UCK2: variants seen among roughly 807,000 people sequenced by gnomAD.
UCK2 encodes cytidine monophosphokinase 2.
Under a neutral mutation model 30.8 loss-of-function variants are expected in UCK2, and 6 were observed. The ratio of observed to expected loss-of-function variants is 0.19; its 90% CI spans 0.11 to 0.38. The LOEUF (loss-of-function observed/expected upper bound fraction) is 0.38, where lower values mean the gene tolerates loss of function less well. UCK2 is among the 10% of genes least tolerant of loss of function. UCK2 has a pLI of 1.00. For missense variants in UCK2, 210 were observed against 339.8 expected, an observed-to-expected ratio of 0.62 and a Z score of 3.00; for synonymous variants, 125 against 133.6, an observed-to-expected ratio of 0.94 and a Z score of 0.45.
chr1:165,902,192 C>T (rs558665994), intron 4 of UCK2, among the ~76,000 whole-genome samples: 7 of 152,052 alleles, frequency 4.6e-5, no homozygotes, highest in South Asian at 2.1e-4. Context: ...GCTGAGATCG[C>T]GCCACTGCAC....
chr1:165,831,076 C>T (rs924323699), intron 1 of UCK2, among the ~76,000 whole-genome samples: 2 of 151,986 alleles, frequency 1.3e-5, no homozygotes, highest in Non-Finnish European at 2.9e-5. Context: ...CCACTACACT[C>T]CAGCCTGGGT....
intron 1 of UCK2, among the ~76,000 whole-genome samples, chr1:165,878,331 CTTTCT>C (rs1655392021): frequency 7.3e-6 from 1 of 137,746 alleles, no homozygotes; most frequent in Non-Finnish European, 1.6e-5. Context: ...TCATTTCTTT[CTTTCT>C]TTTTTTTTTT....
At chr1:165,879,730 T>A (rs552790797) in intron 1 of UCK2, among the ~76,000 whole-genome samples, 2 of 152,022 alleles carry the variant, frequency 1.3e-5, no homozygotes, top group Non-Finnish European at 2.9e-5. Flanking sequence ...ATGGTAGTGA[T>A]GAATGACGAA....
chr1:165,896,984 C>T (rs1185009606), intron 4 of UCK2, among the ~76,000 whole-genome samples: 1 of 152,150 alleles, frequency 6.6e-6, no homozygotes, highest in Non-Finnish European at 1.5e-5. Flanking sequence ...GCAGAGAGTT[C>T]GCTTCCACCA....
chr1:165,878,151 C>G (rs960733402), intron 1 of UCK2, among the ~76,000 whole-genome samples: 2 of 152,156 alleles, frequency 1.3e-5, no homozygotes, highest in South Asian at 4.1e-4. Flanking sequence ...CCTGCCTTTC[C>G]CCTAACCCCT....
rs534315846 is a variant in UCK2 at position 165,878,288 on chromosome 1, AG to A, written c.100-11914del. Among the ~76,000 whole-genome samples, 28 of 151,254 alleles carry A rather than the reference AG, an allele frequency of 1.9e-4. No homozygotes were observed. In the South Asian group the frequency reaches 5.6e-3, roughly 30 times the overall value. On this transcript the variant is annotated intron_variant, in intron 1 of 6. Transcript: ENST00000367879. ...TCTTTCACTTAGCAATATGCATTTAAGGTTTCTCAGTGTCTTTTCATGGCTT... is the reference window on the plus strand; with the variant it reads ...TCTTTCACTTAGCAATATGCATTTAAGTTTCTCAGTGTCTTTTCATGGCTT...
Position 165,896,375 on chromosome 1 carries a change from T to C in UCK2, c.499+43T>C. ...CAGGTGGCCCTGTTGGTGGCCACCT[T>C]GAGGGCGGGGGAGCTGGGAGCCTGT... On this transcript the variant is annotated intron_variant, in intron 4 of 6. Transcript: ENST00000367879. The C allele has an allele frequency of 1.2e-6, 2 of 1,610,188 alleles. 1 individual carries two copies. Among genetic ancestry groups the C allele is most frequent in the Non-Finnish European group, 1.7e-6 (2 of 1,178,258 alleles).
intron 6 of UCK2, among the ~76,000 whole-genome samples, chr1:165,907,383 C>T (rs150639971): frequency 5.5e-4 from 84 of 152,270 alleles, no homozygotes; most frequent in African/African-American, 2.0e-3. Flanking sequence ...CAGACTTTGG[C>T]CCGAGTGCTT....
chr1:165,899,717 GC>G (rs1490124490), intron 4 of UCK2, among the ~76,000 whole-genome samples: 3 of 152,190 alleles, frequency 2.0e-5, no homozygotes, highest in Non-Finnish European at 2.9e-5. Flanking sequence ...CTGGTTTTGA[GC>G]CCCTGGGGTT....
At chr1:165,871,145 G>T (rs1330150784) in intron 1 of UCK2, among the ~76,000 whole-genome samples, 1 of 152,052 alleles carries the variant, frequency 6.6e-6, no homozygotes, top group African/African-American at 2.4e-5. Context: ...GTTTCTTTTT[G>T]TGTAGGGGGA....
At chr1:165,898,146 A>C (rs1647332494) in intron 4 of UCK2, 1 of 152,238 alleles carries the variant, frequency 6.6e-6, no homozygotes, top group South Asian at 2.1e-4. Flanking sequence ...TGTCCATGTC[A>C]GCTTGTCAAA....
In UCK2 at chr1:165,908,692, G is replaced by A. The variant is rs969257422; in HGVS notation, c.*869G>A. On this transcript the variant is annotated 3_prime_UTR_variant, in exon 7 of 7. Coordinates refer to ENST00000367879, the MANE Select transcript of UCK2 (RefSeq NM_012474.5). ...TTCCTGATAGAAGATGGGAAGGAGA[G>A]GGCAGAACTTTGCCTGCTGTCATAT... 1.3e-5 allele frequency: 2 copies of A among 152,204 alleles called. No individual in the cohort carries two copies. The highest frequency in any genetic ancestry group is 4.8e-5 in the African/African-American group (2 of 41,418). 9.4% of individuals were successfully genotyped at this position (152,204 alleles called of 1,614,324 possible).
At chr1:165,906,007 C>G (rs1027688533) in intron 6 of UCK2, 38 bp downstream of exon 6, 3 of 1,595,526 alleles carry the variant, frequency 1.9e-6, no homozygotes, top group African/African-American at 2.7e-5. Flanking sequence ...AGTATAATGT[C>G]TGCCCTTTGT....
chr1:165,848,316 G>A (rs1052233266), intron 1 of UCK2, among the ~76,000 whole-genome samples: 7 of 152,170 alleles, frequency 4.6e-5, no homozygotes, highest in African/African-American at 1.7e-4. Context: ...AAATATTGGT[G>A]GAGGTTGAAC....
At chr1:165,887,869 G>A (rs1655659901) in intron 1 of UCK2, among the ~76,000 whole-genome samples, 1 of 151,636 alleles carries the variant, frequency 6.6e-6, no homozygotes, top group African/African-American at 2.4e-5. Context: ...TTACTGTTCT[G>A]TGATATTTTG....
At position 165,910,547 on chromosome 1, in the gene UCK2, TCTCA is replaced by T. The variant is rs1647820710; in HGVS notation, c.*2728_*2731del. 1 of 152,406 alleles carries T rather than the reference TCTCA, an allele frequency of 6.6e-6. No homozygotes were observed. Among genetic ancestry groups the T allele is most frequent in the African/African-American group, 2.4e-5 (1 of 41,564 alleles). The allele number at this position is 152,406 out of a possible 1,614,324, so 9.4% of individuals were successfully genotyped here. A position where few individuals can be genotyped will look rare whatever the true frequency, so the allele number is the denominator to read the frequency against. ...CATTATGTCACAGGAAGGCCTGGCC[TCTCA>T]CTCCTTCACACTAATGAGCCTTCTA... On this transcript the variant is annotated 3_prime_UTR_variant, in exon 7 of 7. Transcript: ENST00000367879.
At position 165,839,332 on chromosome 1, in the gene UCK2, C is replaced by A. The variant is rs534145518; in HGVS notation, c.99+11400C>A. ...ATACTCTTCAGGAAGGAAATGCAAG[C>A]TGAGCGAGCCCTCCTTGTCTGACTA... On this transcript the variant is annotated intron_variant, in intron 1 of 6. Transcript: ENST00000367879. Among the ~76,000 whole-genome samples, 4 of 152,260 alleles carry A rather than the reference C, an allele frequency of 2.6e-5. No individual in the cohort carries two copies. The East Asian group carries it at 7.7e-4, about 29-fold the overall frequency.
intron 3 of UCK2, chr1:165,891,563 TGAAG>T: frequency 2.2e-6 from 1 of 454,220 alleles, no homozygotes; most frequent in South Asian, 3.4e-5. Flanking sequence ...TCCTTAACTC[TGAAG>T]GATGGGATAG....
chr1:165,829,656 G>T (rs1268087290), intron 1 of UCK2, among the ~76,000 whole-genome samples: 1 of 152,204 alleles, frequency 6.6e-6, no homozygotes, highest in Non-Finnish European at 1.5e-5. Flanking sequence ...CTTCTTGTGT[G>T]TTTCTCAGTC....
Sources: gnomAD v4.1 joint callset for allele counts (sites outside exome capture counted in the v4.1 genomes callset) on GRCh38, gnomAD v4.1.1 for gene constraint, MANE v1.5 for transcripts, NCBI Gene and HGNC (gene_info 2026-07-23, HGNC 2026-07-21) for gene names.